The following PLVAP variants were observed in gnomAD, a reference collection of about 807,000 sequenced individuals.
The protein encoded by PLVAP is plasmalemma vesicle associated protein, also known as plasmalemma vesicle-associated protein.
PLVAP carries 34 observed loss-of-function variants against 43.1 expected under a neutral mutation model. That is an observed-to-expected ratio of 0.79 (90% CI 0.60 to 1.05). The LOEUF (loss-of-function observed/expected upper bound fraction) is 1.05. Ranked by LOEUF, PLVAP falls within the 50% of genes least tolerant of loss-of-function variation. The probability of loss-of-function intolerance (pLI) is 0.00; values close to 1 mark genes in which losing one functional copy is unlikely to be tolerated. For missense variants in PLVAP, 574 were observed against 593.4 expected (o/e 0.97, Z 0.34); for synonymous variants, 241 against 237.3 (o/e 1.02, Z -0.14).
chr19:17,364,360 C>T (rs1326124723), intron 3 of PLVAP, among the ~76,000 whole-genome samples: 2 of 152,076 alleles, frequency 1.3e-5, no homozygotes, highest in African/African-American at 4.8e-5. Flanking sequence ...GCTAGGATTA[C>T]AGGCGTGAGC....
intron 2 of PLVAP, 42 bp downstream of exon 2, chr19:17,366,056 CA>C: frequency 6.2e-7 from 1 of 1,612,646 alleles, no homozygotes; most frequent in Non-Finnish European, 8.5e-7. Context: ...GAGCACTGGG[CA>C]GGGAGTCCAC....
At chr19:17,360,915 T>TTTTTC (rs1491370301) in intron 3 of PLVAP, 83 bp from the exon 4 acceptor site, 110 of 139,194 alleles carry the variant, frequency 7.9e-4, no homozygotes, top group African/African-American at 1.6e-3. Flanking sequence ...TTTCTTTTTC[T>TTTTTC]TTTTTTTTTT....
rs2074598952 is a variant in PLVAP at position 17,377,111 on chromosome 19, G to A, written c.178C>T (p.Leu60=). 3 of 1,614,082 alleles carry A rather than the reference G, an allele frequency of 1.9e-6. No individual in the cohort carries two copies. The highest frequency in any genetic ancestry group is 1.7e-5 in the Admixed American group (1 of 60,004). Residue 60 remains leucine, a synonymous_variant, in exon 1 of 6, where the codon CTG becomes TTG. Transcript: ENST00000252590. ...GNVHVSTESN[L]QATERRAEGL... The stretch of plus-strand genomic sequence containing the variant: ...TCGGCTCGGCGCTCGGTGGCCTGCA[G>A]GTTGGACTCTGTGCTCACGTGCACG...
Position 17,351,940 on chromosome 19 carries a change from G to T in PLVAP, c.*422C>A. ...TCTGTGTGATGCCATCGCCGCGTCT[G>T]TGTGACATTAATATGTGTGACGTCG... On this transcript the variant is annotated 3_prime_UTR_variant, in exon 6 of 6. Transcript: ENST00000252590. 1 of 249,356 alleles carries T rather than the reference G, an allele frequency of 4.0e-6. No homozygotes were observed. The highest frequency in any genetic ancestry group is 7.9e-6 in the Non-Finnish European group (1 of 126,038). 15.4% of individuals were successfully genotyped at this position (249,356 alleles called of 1,614,324 possible). A position where few individuals can be genotyped will look rare whatever the true frequency, so the allele number is the denominator to read the frequency against.
intron 5 of PLVAP, among the ~76,000 whole-genome samples, chr19:17,357,457 G>A (rs1170897033): frequency 1.3e-5 from 2 of 151,918 alleles, no homozygotes; most frequent in Non-Finnish European, 2.9e-5. Flanking sequence ...GAGGCCAGGA[G>A]TTCAAATCCA....
At chr19:17,352,491 C>T in intron 5 of PLVAP, 123 bp from the exon 6 acceptor site, 1 of 1,070,202 alleles carries the variant, frequency 9.3e-7, no homozygotes, top group Non-Finnish European at 1.4e-6. Context: ...GGCCCTGCCT[C>T]CTACCACCCT....
chr19:17,375,841 A>G (rs1456718120), intron 1 of PLVAP, among the ~76,000 whole-genome samples: 1 of 150,368 alleles, frequency 6.7e-6, no homozygotes, highest in African/African-American at 2.5e-5. Flanking sequence ...AGATTGTGCC[A>G]CTGCACTTCA....
intron 5 of PLVAP, among the ~76,000 whole-genome samples, chr19:17,356,251 A>C (rs1568372865): frequency 2.0e-5 from 3 of 152,160 alleles, no homozygotes; most frequent in Non-Finnish European, 4.4e-5. Flanking sequence ...CAGAGGTTTC[A>C]GTGAGCAGAG....
rs750381022 is a variant in PLVAP at position 17,376,935 on chromosome 19, C to G, written c.354G>C (p.Gln118His). Residue 118 changes from glutamine (Q) to histidine (H), a missense_variant, in exon 1 of 6, where the codon CAG (glutamine) becomes CAC (histidine). Transcript: ENST00000252590. ...ACAGCCTTACCCGGTCACCCTGGCA[C>G]TGGCGGAAGCTGGCATTGATGCGGT... ...DLDRINASFR[Q>H]CQGDRVIYTN... 35 of 1,613,456 alleles carry G rather than the reference C, an allele frequency of 2.2e-5. No individual in the cohort carries two copies. Among genetic ancestry groups the G allele is most frequent in the Non-Finnish European group, 2.9e-5 (34 of 1,179,746 alleles).
Position 17,352,369 on chromosome 19 carries a change from C to G in PLVAP, c.1323-1G>C. 1 of 1,613,576 alleles carries G rather than the reference C, an allele frequency of 6.2e-7. No homozygotes were observed. The highest frequency in any genetic ancestry group is 1.1e-5 in the South Asian group (1 of 91,070). On this transcript the variant is annotated splice_acceptor_variant, in intron 5 of 5. Transcript: ENST00000252590. LOFTEE classifies it high-confidence loss of function. Reference sequence around the variant, plus strand: ...CTCAGGCCTGGAGCCTCCTCAGCCACTAGGGCAGGAAGGGGATGGTAACAC... The same window carrying G: ...CTCAGGCCTGGAGCCTCCTCAGCCAGTAGGGCAGGAAGGGGATGGTAACAC...
chr19:17,376,026 A>T (rs111315093), intron 1 of PLVAP, among the ~76,000 whole-genome samples: 7,746 of 151,846 alleles, frequency 0.051, 273 homozygotes, highest in Non-Finnish European at 0.082. Flanking sequence ...ACTAAAAATA[A>T]AAAATGACCT....
At chr19:17,356,549 G>T (rs990410797) in intron 5 of PLVAP, among the ~76,000 whole-genome samples, 1 of 152,012 alleles carries the variant, frequency 6.6e-6, no homozygotes, top group Non-Finnish European at 1.5e-5. Context: ...ATGTTGCCCA[G>T]GCTGGACTTG....
intron 5 of PLVAP, among the ~76,000 whole-genome samples, chr19:17,356,181 G>A (rs542127920): frequency 6.8e-4 from 103 of 152,206 alleles, no homozygotes; most frequent in African/African-American, 2.3e-3. Flanking sequence ...ATGCTGGCAC[G>A]TGCCTGTAAT....
intron 5 of PLVAP, among the ~76,000 whole-genome samples, chr19:17,358,946 C>T (rs1048673030): frequency 1.3e-5 from 2 of 151,712 alleles, no homozygotes; most frequent in African/African-American, 2.4e-5. Flanking sequence ...ACTACAGGTG[C>T]GCACCACCAC....
intron 1 of PLVAP, among the ~76,000 whole-genome samples, chr19:17,367,153 G>C (rs1343410045): frequency 1.3e-5 from 2 of 151,130 alleles, no homozygotes; most frequent in African/African-American, 4.9e-5. Flanking sequence ...CCATGCTGCC[G>C]AGGCTGGTCT....
At chr19:17,352,455 C>A (rs1297069309) in intron 5 of PLVAP, 87 bp from the exon 6 acceptor site, 14 of 1,465,142 alleles carry the variant, frequency 9.6e-6, no homozygotes, top group Non-Finnish European at 1.2e-5. Context: ...TCGTCCTCAG[C>A]GGGGACACAA....
chr19:17,376,747 G>C (rs368602079), intron 1 of PLVAP, among the ~76,000 whole-genome samples, 173 bp downstream of exon 1: 5 of 152,160 alleles, frequency 3.3e-5, no homozygotes, highest in Non-Finnish European at 7.4e-5. Flanking sequence ...GCAGTGAGCC[G>C]AGATTGCACC....
At chr19:17,355,987 C>T (rs940648589) in intron 5 of PLVAP, among the ~76,000 whole-genome samples, 1 of 152,162 alleles carries the variant, frequency 6.6e-6, no homozygotes, top group African/African-American at 2.4e-5. Context: ...AAAGCTGGCG[C>T]ACACATCACC....
intron 1 of PLVAP, among the ~76,000 whole-genome samples, chr19:17,375,501 T>C (rs1214664435): frequency 6.6e-6 from 1 of 152,126 alleles, no homozygotes; most frequent in African/African-American, 2.4e-5. Flanking sequence ...CTCATGCCTG[T>C]AATCTCAGCA....
Sources: allele counts gnomAD v4.1 joint callset (sites outside exome capture counted in the v4.1 genomes callset), GRCh38; gene constraint gnomAD v4.1.1; transcripts MANE v1.5; gene names NCBI Gene and HGNC (gene_info 2026-07-23, HGNC 2026-07-21).